The following GOLIM4 variants were observed in gnomAD, a reference collection of about 807,000 sequenced individuals.
GOLIM4 encodes golgi integral membrane protein 4, also known as 130 kDa golgi-localized phosphoprotein.
GOLIM4 carries 71 observed loss-of-function variants against 107.4 expected under a neutral mutation model. The observed-to-expected ratio is 0.66, with a 90% CI of 0.55 to 0.81. The LOEUF (loss-of-function observed/expected upper bound fraction) is 0.81. Ranked by LOEUF, GOLIM4 falls within the 30% of genes least tolerant of loss-of-function variation. The pLI, the probability that GOLIM4 is intolerant of heterozygous loss-of-function variation, is 0.00. For synonymous variants in GOLIM4, 327 were observed against 294.8 expected (o/e 1.11, Z -1.12); for missense variants, 830 against 826.1 (o/e 1.00, Z -0.06).
rs376181262 is a variant in GOLIM4 at position 168,095,218 on chromosome 3, A to G, written c.68T>C (p.Val23Ala). 11 of 1,613,710 alleles carry G rather than the reference A, an allele frequency of 6.8e-6. No individual in the cohort carries two copies. Among genetic ancestry groups the G allele is most frequent in the East Asian group, 2.2e-5 (1 of 44,862 alleles). The change falls in exon 1 of 16, where the codon GTG (valine) becomes GCG (alanine). Residue 23 changes from valine (V) to alanine (A), a missense_variant. Physicochemically the swap from Val to Ala is moderately conservative, Grantham distance 64. Transcript: ENST00000470487. ...IFQTLLLLTV[V>A]FGFLYGAMLY... is the part of the protein sequence containing the mutation. ...CATCGCGCCGTAGAGAAAGCCGAACACGACGGTCAGCAGCAGCAGCGTCTG... is the reference window on the plus strand; with the variant it reads ...CATCGCGCCGTAGAGAAAGCCGAACGCGACGGTCAGCAGCAGCAGCGTCTG...
chr3:168,014,375 A>C (rs1190384765), intron 14 of GOLIM4, among the ~76,000 whole-genome samples: 1 of 143,480 alleles, frequency 7.0e-6, no homozygotes, highest in Non-Finnish European at 1.5e-5. Context: ...CAATAACAGG[A>C]GCTGAAATTG....
Position 168,027,683 on chromosome 3 carries a change from C to T in GOLIM4, c.1623+45G>A, listed in dbSNP as rs182400073. 1.8e-5 allele frequency: 21 copies of T among 1,149,820 alleles called. No individual in the cohort carries two copies. In the East Asian group the frequency reaches 2.8e-4, roughly 15 times the overall value. 71.2% of individuals were successfully genotyped at this position (1,149,820 alleles called of 1,614,324 possible). On this transcript the variant is annotated intron_variant, in intron 12 of 15. Coordinates refer to ENST00000470487, the MANE Select transcript of GOLIM4 (RefSeq NM_014498.5). ...GGCAAGTTTTCAACTCTCTTTCCCA[C>T]CTTATGAGTTTACATGTGTCAGGGG...
At chr3:168,048,822 A>G (rs1171435934) in intron 1 of GOLIM4, among the ~76,000 whole-genome samples, 4 of 152,220 alleles carry the variant, frequency 2.6e-5, no homozygotes, top group Non-Finnish European at 4.4e-5. Context: ...TACAAAGTCA[A>G]CATGATCTGC....
intron 9 of GOLIM4, 52 bp downstream of exon 9, chr3:168,032,468 A>C: frequency 7.7e-7 from 1 of 1,292,364 alleles, no homozygotes; most frequent in Non-Finnish European, 1.1e-6. Flanking sequence ...TGTAAAAATA[A>C]AGCCAGGTTT....
At chr3:168,047,026 A>C (rs776869989) in intron 2 of GOLIM4, 27 bp from the exon 3 acceptor site, 2 of 1,074,008 alleles carry the variant, frequency 1.9e-6, no homozygotes, top group Non-Finnish European at 2.7e-6. Context: ...GGAAAAAAAC[A>C]GTGATAATTC....
intron 1 of GOLIM4, among the ~76,000 whole-genome samples, chr3:168,057,694 T>A (rs115487419): frequency 1.4e-3 from 216 of 152,314 alleles, no homozygotes; most frequent in Non-Finnish European, 2.3e-3. Flanking sequence ...AATAGATACT[T>A]CTTGAATAAA....
intron 1 of GOLIM4, among the ~76,000 whole-genome samples, chr3:168,068,806 T>C (rs1577561283): frequency 6.6e-6 from 1 of 151,588 alleles, no homozygotes; most frequent in African/African-American, 2.4e-5. Context: ...CTTAAAACTT[T>C]TCTGCACTTT....
intron 1 of GOLIM4, among the ~76,000 whole-genome samples, chr3:168,062,307 T>A (rs758544489): frequency 2.0e-5 from 3 of 152,096 alleles, no homozygotes; most frequent in Admixed American, 6.5e-5. Context: ...AAGCCTCAGA[T>A]AGGATTTGGT....
At chr3:168,057,960 C>T (rs143117162) in intron 1 of GOLIM4, among the ~76,000 whole-genome samples, 18 of 152,210 alleles carry the variant, frequency 1.2e-4, no homozygotes, top group African/African-American at 3.6e-4. Context: ...TATGTAGGCT[C>T]ATTAGTACCA....
chr3:168,039,261 A>C (rs545557747), intron 7 of GOLIM4, among the ~76,000 whole-genome samples: 272 of 145,932 alleles, frequency 1.9e-3, no homozygotes, highest in Non-Finnish European at 2.8e-3. Context: ...TAAGAAAAAA[A>C]AAATTTTTTT....
At chr3:168,012,199 C>T (rs1327911434) in intron 14 of GOLIM4, among the ~76,000 whole-genome samples, 12 of 131,090 alleles carry the variant, frequency 9.2e-5, no homozygotes, top group Non-Finnish European at 1.7e-4. Context: ...CTTAAAGGAG[C>T]TGATGGAGCT....
rs1722134568 is a variant in GOLIM4 at position 168,095,347 on chromosome 3, G to A, written c.-62C>T. 6.7e-7 allele frequency: 1 copy of A among 1,489,182 alleles called. No individual in the cohort carries two copies. The highest frequency in any genetic ancestry group is 2.4e-5 in the East Asian group (1 of 41,550). 92.2% of individuals were successfully genotyped at this position (1,489,182 alleles called of 1,614,324 possible). On this transcript the variant is annotated 5_prime_UTR_variant, in exon 1 of 16. Transcript: ENST00000470487. ...CGTCTCCTCCCCTTGGTCCGAGCGA[G>A]CGTCTCAGCAGCGGCCGCCGCAGTA...
intron 1 of GOLIM4, among the ~76,000 whole-genome samples, chr3:168,049,913 C>T (rs1349447261): frequency 2.6e-5 from 4 of 152,182 alleles, no homozygotes; most frequent in East Asian, 1.9e-4. Flanking sequence ...TCTACTATCA[C>T]GATAGACCCT....
chr3:168,044,766 GTCAGT>G (rs2108248448), intron 4 of GOLIM4, 57 bp downstream of exon 4: 1 of 893,798 alleles, frequency 1.1e-6, no homozygotes, highest in East Asian at 2.5e-5. Flanking sequence ...AAGGCCATTA[GTCAGT>G]TCAAGTATTA....
rs78018114 is a variant in GOLIM4, at chr3:168,077,811, T to C, written c.187+17288A>G. On this transcript the variant is annotated intron_variant, in intron 1 of 15. Coordinates refer to ENST00000470487, the MANE Select transcript of GOLIM4 (RefSeq NM_014498.5). ...TTGTCACAGAAAGAAATTCATTCTA[T>C]TGCTAAGGCCTTATTTCCAAAAATA... Among the ~76,000 whole-genome samples, 1,016 of 152,268 alleles carry C rather than the reference T, an allele frequency of 6.7e-3. 10 individuals carry two copies. Among genetic ancestry groups the C allele is most frequent in the African/African-American group, 0.021 (874 of 41,558 alleles).
intron 8 of GOLIM4, among the ~76,000 whole-genome samples, chr3:168,033,888 A>G (rs1226562760): frequency 1.3e-5 from 2 of 152,108 alleles, no homozygotes; most frequent in Admixed American, 6.6e-5. Context: ...AGCGATCTCT[A>G]TATGATCTGC....
rs769750400 is a variant in GOLIM4 at position 168,095,666 on chromosome 3, C to G, written c.-381G>C. On this transcript the variant is annotated 5_prime_UTR_variant, in exon 1 of 16. Coordinates refer to ENST00000470487, the MANE Select transcript of GOLIM4 (RefSeq NM_014498.5). ...CCCCGGGCAGTTCTTGGAGTCCCGC[C>G]CTGGCCACTCCCCGCCCTATCGCGG... 1.4e-5 allele frequency: 3 copies of G among 216,908 alleles called. No individual in the cohort carries two copies. Among genetic ancestry groups the G allele is most frequent in the Non-Finnish European group, 2.7e-5 (3 of 109,494 alleles). 13.4% of individuals were successfully genotyped at this position (216,908 alleles called of 1,614,324 possible).
rs181259799 is a variant in GOLIM4 at position 168,066,212 on chromosome 3, T to A, written c.188-17847A>T. ...TTTCTGCAAAGTATCTGAAAATGAT[T>A]AAAATTATTTTGACAGCTGCAAGTA... On this transcript the variant is annotated intron_variant, in intron 1 of 15. Coordinates refer to ENST00000470487, the MANE Select transcript of GOLIM4 (RefSeq NM_014498.5). 9.1e-4 allele frequency among the ~76,000 whole-genome samples: 138 copies of A among 152,204 alleles called. 1 individual carries two copies. The highest frequency in any genetic ancestry group is 3.2e-3 in the African/African-American group (133 of 41,566).
At chr3:168,081,426 C>T (rs544915904) in intron 1 of GOLIM4, among the ~76,000 whole-genome samples, 1 of 152,090 alleles carries the variant, frequency 6.6e-6, no homozygotes. Flanking sequence ...TAAGGGGTAG[C>T]AGATGGACTG....
Sources: gnomAD v4.1 joint callset for allele counts (sites outside exome capture counted in the v4.1 genomes callset) on GRCh38, gnomAD v4.1.1 for gene constraint, MANE v1.5 for transcripts, NCBI Gene and HGNC (gene_info 2026-07-23, HGNC 2026-07-21) for gene names.